Variants in ANKRD13B observed in about 807,000 individuals in gnomAD.
ANKRD13B encodes ankyrin repeat domain 13B.
ANKRD13B carries 33 observed loss-of-function variants against 74.4 expected under a neutral mutation model. The ratio of observed to expected loss-of-function variants is 0.44; its 90% CI spans 0.34 to 0.59. The LOEUF is 0.59. Among genes scored for constraint, ANKRD13B ranks in the 20% least tolerant of loss-of-function variants. The pLI, the probability that ANKRD13B is intolerant of heterozygous loss-of-function variation, is 0.02. For synonymous variants in ANKRD13B, 341 were observed against 362.9 expected, an observed-to-expected ratio of 0.94 and a Z score of 0.68; for missense variants, 676 against 877.9, an observed-to-expected ratio of 0.77 and a Z score of 2.91.
In ANKRD13B at chr17:29,612,524, T is replaced by A; in HGVS notation, c.1381T>A (p.Ser461Thr). The A allele has an allele frequency of 2.6e-6, 4 of 1,525,140 alleles. No individual in the cohort carries two copies. Among genetic ancestry groups the A allele is most frequent in the Non-Finnish European group, 3.5e-6 (4 of 1,136,472 alleles). The allele number at this position is 1,525,140 out of a possible 1,614,324, so 94.5% of individuals were successfully genotyped here. ...SSETPSPGSD[S>T]SSVSSSSSTT... ...CGAGACGCCTTCCCCAGGCAGCGACTCCTCCAGCGTCAGCAGCTCCAGCTC... is the reference window on the plus strand; with the variant it reads ...CGAGACGCCTTCCCCAGGCAGCGACACCTCCAGCGTCAGCAGCTCCAGCTC... The change falls in exon 12 of 15, where the codon TCC becomes ACC. Residue 461 changes from serine (S) to threonine (T), a missense_variant. By Grantham distance (58) the Ser-to-Thr change is moderately conservative. Coordinates refer to ENST00000394859, the MANE Select transcript of ANKRD13B (RefSeq NM_152345.5). This position sits in a 1 kb window ranked among gnomAD's most constrained non-coding sequence, Gnocchi z 6.1.
Position 29,593,781 on chromosome 17 carries a change from G to A in ANKRD13B, c.114+46G>A, listed in dbSNP as rs2033849388. ...CCGCGGGGACCCCGCGGCCGGGCACGCCCGTCCGGCCTGGGGAGGGGGTGC... is the reference window on the plus strand; with the variant it reads ...CCGCGGGGACCCCGCGGCCGGGCACACCCGTCCGGCCTGGGGAGGGGGTGC... On this transcript the variant is annotated intron_variant, in intron 1 of 14. Coordinates refer to ENST00000394859, the MANE Select transcript of ANKRD13B (RefSeq NM_152345.5). 4.1e-6 allele frequency: 5 copies of A among 1,207,946 alleles called. No homozygotes were observed. The South Asian group carries it at 6.7e-5, about 16-fold the overall frequency. 74.8% of individuals were successfully genotyped at this position (1,207,946 alleles called of 1,614,324 possible).
Position 29,611,967 on chromosome 17 carries a change from A to T in ANKRD13B, c.1061A>T (p.Asp354Val). 6.2e-7 allele frequency: 1 copy of T among 1,614,056 alleles called. No homozygotes were observed. The highest frequency in any genetic ancestry group is 1.3e-5 in the African/African-American group (1 of 75,028). ...FNPNFELGNRDMGRPMELTTK... is the reference protein window; with the variant it reads ...FNPNFELGNRVMGRPMELTTK... ...CCCAACTTTGAGCTGGGCAACCGTGATATGGGCCGCCCCATGGAACTGACC... is the reference window on the plus strand; with the variant it reads ...CCCAACTTTGAGCTGGGCAACCGTGTTATGGGCCGCCCCATGGAACTGACC... The change falls in exon 10 of 15, where the codon GAT (aspartate) becomes GTT (valine). Residue 354 changes from aspartate to valine, a missense_variant. Around this residue, in one of 4 missense-constraint regions of ANKRD13B, gnomAD observed 328 missense variants for 518.4 expected, o/e 0.63. Coordinates refer to ENST00000394859, the MANE Select transcript of ANKRD13B (RefSeq NM_152345.5). The surrounding 1 kb of genome is among the most constrained non-coding windows in gnomAD (Gnocchi z 4.3).
chr17:29,597,161 T>C (rs3098945), intron 1 of ANKRD13B, among the ~76,000 whole-genome samples: 38,303 of 152,170 alleles, frequency 0.25, 6,176 homozygotes, highest in African/African-American at 0.46. Context: ...TCGCAAGCAC[T>C]GTGTTTAGTC....
Position 29,608,786 on chromosome 17 carries a change from C to T in ANKRD13B, c.422-65C>T. The T allele has an allele frequency of 6.3e-7, 1 of 1,599,672 alleles. No individual in the cohort carries two copies. The highest frequency in any genetic ancestry group is 8.5e-7 in the Non-Finnish European group (1 of 1,171,220). On this transcript the variant is annotated intron_variant, in intron 4 of 14. Coordinates refer to ENST00000394859, the MANE Select transcript of ANKRD13B (RefSeq NM_152345.5). The surrounding 1 kb of genome is among the most constrained non-coding windows in gnomAD (Gnocchi z 6.4). ...CCACACGGATCCCAAACCCCATGCCCTGAGCTGGTCCAGGCCGTGTAGGCC... is the reference window on the plus strand; with the variant it reads ...CCACACGGATCCCAAACCCCATGCCTTGAGCTGGTCCAGGCCGTGTAGGCC...
At position 29,608,127 on chromosome 17, in the gene ANKRD13B, C is replaced by T; in HGVS notation, c.375+17C>T. ...CTGCGCAAGGTGAGGCCCAGCCTCTCAGCCTCCACGGGAGCCCTTGAGCCC... is the reference window on the plus strand; with the variant it reads ...CTGCGCAAGGTGAGGCCCAGCCTCTTAGCCTCCACGGGAGCCCTTGAGCCC... On this transcript the variant is annotated intron_variant, in intron 3 of 14. Transcript: ENST00000394859. The surrounding 1 kb of genome is among the most constrained non-coding windows in gnomAD (Gnocchi z 6.4). 6.2e-7 allele frequency: 1 copy of T among 1,613,686 alleles called. No individual in the cohort carries two copies. Among genetic ancestry groups the T allele is most frequent in the Non-Finnish European group, 8.5e-7 (1 of 1,179,724 alleles).
chr17:29,606,190 C>T (rs758060233), intron 1 of ANKRD13B, among the ~76,000 whole-genome samples: 2 of 151,194 alleles, frequency 1.3e-5, no homozygotes, highest in Non-Finnish European at 3.0e-5. Flanking sequence ...GGATTACAGG[C>T]GTGAGCTACC....
intron 1 of ANKRD13B, among the ~76,000 whole-genome samples, chr17:29,601,283 G>A (rs753610009): frequency 3.4e-5 from 5 of 147,690 alleles, no homozygotes; most frequent in Admixed American, 1.4e-4. Context: ...GTGCAGTGGT[G>A]CGATCTCTGT....
intron 1 of ANKRD13B, among the ~76,000 whole-genome samples, chr17:29,596,689 C>T (rs1331496957): frequency 1.3e-5 from 2 of 152,220 alleles, no homozygotes; most frequent in Non-Finnish European, 2.9e-5. Context: ...TTTCCCTGTT[C>T]ACCCTTCTGA....
Position 29,609,228 on chromosome 17 carries a change from G to A in ANKRD13B, c.708G>A (p.Ala236=), listed in dbSNP as rs773640250. The A allele has an allele frequency of 7.4e-6, 12 of 1,612,946 alleles. No individual in the cohort carries two copies. In the African/African-American group the frequency reaches 1.2e-4, roughly 16 times the overall value. ...TEEQVLSRLT[A]PVVTTQLDTK... Reference sequence around the variant, plus strand: ...AACAGGTGCTGAGCCGGCTTACCGCGCCCGTCGTCACCACTCAGCTTGACA... The same window carrying A: ...AACAGGTGCTGAGCCGGCTTACCGCACCCGTCGTCACCACTCAGCTTGACA... Residue 236 remains alanine, a synonymous_variant, in exon 6 of 15, where the codon GCG becomes GCA. Transcript: ENST00000394859. The surrounding 1 kb of genome is among the most constrained non-coding windows in gnomAD (Gnocchi z 4.0).
Position 29,611,247 on chromosome 17 carries a change from C to T in ANKRD13B, c.905-332C>T, listed in dbSNP as rs2042132760. ...TGCCTATGGAAGTGCCTGAAGCAAA[C>T]ACACACACGCACATGCACACCCCAC... On this transcript the variant is annotated intron_variant, in intron 8 of 14. Transcript: ENST00000394859. This position sits in a 1 kb window ranked among gnomAD's most constrained non-coding sequence, Gnocchi z 4.3. Among the ~76,000 whole-genome samples the T allele has an allele frequency of 6.6e-6, 1 of 152,206 alleles. No homozygotes were observed. The highest frequency in any genetic ancestry group is 2.1e-4 in the South Asian group (1 of 4,828).
At position 29,613,609 on chromosome 17, in the gene ANKRD13B, G is replaced by C. The variant is rs925377514; in HGVS notation, c.*27G>C. On this transcript the variant is annotated 3_prime_UTR_variant, in exon 15 of 15. Transcript: ENST00000394859. Reference sequence around the variant, plus strand: ...GCCCCCTGCCGGGACCCTCGCCAGCGCCACGCGCGCCACGCCCAGGGCCAG... The same window carrying C: ...GCCCCCTGCCGGGACCCTCGCCAGCCCCACGCGCGCCACGCCCAGGGCCAG... 2 of 1,394,984 alleles carry C rather than the reference G, an allele frequency of 1.4e-6. No homozygotes were observed. Among genetic ancestry groups the C allele is most frequent in the Non-Finnish European group, 1.9e-6 (2 of 1,074,220 alleles). The allele number at this position is 1,394,984 out of a possible 1,614,324, so 86.4% of individuals were successfully genotyped here. A position where few individuals can be genotyped will look rare whatever the true frequency, so the allele number is the denominator to read the frequency against.
rs2034509859 is a variant in ANKRD13B, at chr17:29,609,615, A to G, written c.822+194A>G. Among the ~76,000 whole-genome samples, 1 of 152,252 alleles carries G rather than the reference A, an allele frequency of 6.6e-6. No individual in the cohort carries two copies. The highest frequency in any genetic ancestry group is 6.5e-5 in the Admixed American group (1 of 15,292). Reference sequence around the variant, plus strand: ...ATGGATGTATACACAGGGCACGTGCACACGCACACACACACACACATTTAT... The same window carrying G: ...ATGGATGTATACACAGGGCACGTGCGCACGCACACACACACACACATTTAT... On this transcript the variant is annotated intron_variant, in intron 7 of 14. Coordinates refer to ENST00000394859, the MANE Select transcript of ANKRD13B (RefSeq NM_152345.5). The surrounding 1 kb of genome is among the most constrained non-coding windows in gnomAD (Gnocchi z 4.0).
intron 1 of ANKRD13B, among the ~76,000 whole-genome samples, chr17:29,602,088 T>G (rs190690194): frequency 1.3e-5 from 2 of 152,280 alleles, no homozygotes; most frequent in East Asian, 3.9e-4. Context: ...TACTACAAAC[T>G]AGGTGGGTTA....
Position 29,608,706 on chromosome 17 carries a change from G to C in ANKRD13B, c.422-145G>C. The C allele has an allele frequency of 1.7e-6, 2 of 1,181,010 alleles. No homozygotes were observed. Among genetic ancestry groups the C allele is most frequent in the Non-Finnish European group, 2.3e-6 (2 of 852,192 alleles). 73.2% of individuals were successfully genotyped at this position (1,181,010 alleles called of 1,614,324 possible). A position where few individuals can be genotyped will look rare whatever the true frequency, so the allele number is the denominator to read the frequency against. The stretch of plus-strand genomic sequence containing the variant: ...GTGAGTATGGTCTACACTGGCCAGG[G>C]AGGGGGTTTTGGAGGAGAGGCTGCT... On this transcript the variant is annotated intron_variant, in intron 4 of 14. Transcript: ENST00000394859. The surrounding 1 kb of genome is among the most constrained non-coding windows in gnomAD (Gnocchi z 6.4).
chr17:29,610,988 A>G (rs80035288), intron 8 of ANKRD13B, among the ~76,000 whole-genome samples: 3,162 of 152,346 alleles, frequency 0.021, 103 homozygotes, highest in African/African-American at 0.071. Context: ...GTGGAGAGCC[A>G]TGCTGCAAGT....
intron 1 of ANKRD13B, among the ~76,000 whole-genome samples, chr17:29,605,520 T>A (rs1307618448): frequency 6.6e-6 from 1 of 151,824 alleles, no homozygotes; most frequent in Non-Finnish European, 1.5e-5. Flanking sequence ...CAGCCTGGAG[T>A]GCAGAGGTGT....
chr17:29,612,710 C>T lies in ANKRD13B; in HGVS notation c.1470C>T (p.Ser490=), dbSNP rs200279578. The T allele has an allele frequency of 1.0e-5, 16 of 1,599,486 alleles. No individual in the cohort carries two copies. In the African/African-American group the frequency reaches 1.9e-4, roughly 19 times the overall value. Residue 490 remains serine (S), a synonymous_variant, in exon 13 of 15, where the codon AGC becomes AGT. Transcript: ENST00000394859. The surrounding 1 kb of genome is among the most constrained non-coding windows in gnomAD (Gnocchi z 6.1). ...TGTTCGAGGCCCCGCGCGGCTACAG[C>T]ATGATGGGCGGCCAGCGGGAGGCGG... ...PALFEAPRGY[S]MMGGQREAAT... is the part of the protein sequence containing the mutation.
At position 29,605,627 on chromosome 17, in the gene ANKRD13B, C is replaced by T. The variant is rs564788442; in HGVS notation, c.115-2115C>T. Among the ~76,000 whole-genome samples, 9 of 152,216 alleles carry T rather than the reference C, an allele frequency of 5.9e-5. No individual in the cohort carries two copies. The South Asian group carries it at 6.2e-4, about 11-fold the overall frequency. ...GACTACAGGCACAGGCCATCATACC[C>T]GGCTAATTCTTTTGTATTTTTTGTA... On this transcript the variant is annotated intron_variant, in intron 1 of 14. Transcript: ENST00000394859.
rs1399255774 is a variant in ANKRD13B at position 29,613,571 on chromosome 17, A to G, written c.1870A>G (p.Thr624Ala). ...GGAGCGCATCCTGAGGCTCTCACTG[A>G]CCGAGCAGTAGCGCCCCCTGCCGGG... Reference protein sequence around the residue: ...ELERILRLSLTEQ With the variant: ...ELERILRLSLAEQ The change falls in exon 15 of 15, where the codon ACC becomes GCC. Residue 624 changes from threonine (T) to alanine (A), a missense_variant. Transcript: ENST00000394859. The G allele has an allele frequency of 4.1e-6, 6 of 1,472,962 alleles. No homozygotes were observed. The highest frequency in any genetic ancestry group is 5.4e-6 in the Non-Finnish European group (6 of 1,111,090). The allele number at this position is 1,472,962 out of a possible 1,614,324, so 91.2% of individuals were successfully genotyped here. A position where few individuals can be genotyped will look rare whatever the true frequency, so the allele number is the denominator to read the frequency against.
Sources: allele counts gnomAD v4.1 joint callset (sites outside exome capture counted in the v4.1 genomes callset), GRCh38; gene constraint gnomAD v4.1.1; regional missense constraint gnomAD v4.1.1; non-coding constraint Gnocchi (gnomAD v3.1); transcripts MANE v1.5; gene names NCBI Gene and HGNC (gene_info 2026-07-23, HGNC 2026-07-21).